The following PINLYP variants were observed in gnomAD, a reference collection of about 807,000 sequenced individuals.
PINLYP encodes the protein phospholipase A2 inhibitor and LY6/PLAUR domain containing, also known as phospholipase A2 inhibitor and Ly6/PLAUR domain-containing protein.
PINLYP carries 12 observed loss-of-function variants against 15.8 expected under a neutral mutation model. The ratio of observed to expected loss-of-function variants is 0.76; its 90% confidence interval spans 0.49 to 1.23. The LOEUF is 1.23. PINLYP is among the 50% of genes most tolerant of loss of function. The pLI is 0.00. For synonymous variants in PINLYP, 93 were observed against 97.7 expected (o/e 0.95, Z 0.28); for missense variants, 278 against 264.2 (o/e 1.05, Z -0.36).
intron 3 of PINLYP, 81 bp downstream of exon 3, chr19:43,578,787 T>C (rs1442071473): frequency 9.2e-7 from 1 of 1,091,762 alleles, no homozygotes; most frequent in East Asian, 2.6e-5. Flanking sequence ...TGAGGGGGGA[T>C]CATCATGGTT....
chr19:43,578,652 A>C, exon 3 of PINLYP: 1 of 1,535,964 alleles, frequency 6.5e-7, no homozygotes, highest in Non-Finnish European at 8.7e-7. Flanking sequence ...CCAAATGAAG[A>C]CCTGCAGCAG....
chr19:43,575,537 CG>C, upstream of PINLYP: 1 of 1,372,732 alleles, frequency 7.3e-7, no homozygotes, highest in African/African-American at 1.4e-5. Context: ...TGGGAGGGGG[CG>C]GGGTGCGCCC....
At chr19:43,581,752 A>C (rs2146085614) in intron 5 of PINLYP, 49 bp downstream of exon 5, 1 of 1,535,266 alleles carries the variant, frequency 6.5e-7, no homozygotes, top group East Asian at 2.4e-5. Context: ...TAGAGGTCCA[A>C]ACTTCTAGGT....
At chr19:43,577,769 G>A (rs1384757315) in intron 2 of PINLYP, among the ~76,000 whole-genome samples, 2 of 151,992 alleles carry the variant, frequency 1.3e-5, no homozygotes, top group African/African-American at 2.4e-5. Context: ...AGCTGAGCTT[G>A]GTGGTGGGCG....
intron 2 of PINLYP, among the ~76,000 whole-genome samples, chr19:43,577,918 C>T (rs1419913295): frequency 6.6e-6 from 1 of 152,040 alleles, no homozygotes; most frequent in Admixed American, 6.6e-5. Context: ...AAAAAAAATA[C>T]ATTAATATCA....
At chr19:43,576,780 A>C (rs1461090827) in exon 1 of PINLYP, 2 of 202,750 alleles carry the variant, frequency 9.9e-6, no homozygotes, top group Non-Finnish European at 2.0e-5. Context: ...GGCCCTACCC[A>C]CACTGGGTGC....
exon 5 of PINLYP, chr19:43,581,621 C>T: frequency 2.0e-6 from 3 of 1,536,662 alleles, no homozygotes; most frequent in Non-Finnish European, 1.7e-6. Context: ...CTGCGAGCTT[C>T]AGGGACAAAT....
At chr19:43,581,526 C>T (rs547785089) in intron 4 of PINLYP, 37 bp from the exon 5 acceptor site, 3 of 1,521,054 alleles carry the variant, frequency 2.0e-6, no homozygotes, top group African/African-American at 1.4e-5. Context: ...ACGGCTTAAA[C>T]ATCCCTATTC....
intron 3 of PINLYP, chr19:43,579,104 G>A: frequency 3.9e-6 from 1 of 258,812 alleles, no homozygotes; most frequent in Non-Finnish European, 7.7e-6. Flanking sequence ...GGCTGGGGTG[G>A]GAAAGTGTAA....
chr19:43,577,785 A>G (rs1253753755), intron 2 of PINLYP, among the ~76,000 whole-genome samples: 1 of 151,990 alleles, frequency 6.6e-6, no homozygotes, highest in Non-Finnish European at 1.5e-5. Context: ...GGGCGCCTGT[A>G]ATCCTAGCTA....
chr19:43,578,471 T>A, intron 2 of PINLYP, 119 bp from the exon 3 acceptor site: 4 of 634,108 alleles, frequency 6.3e-6, no homozygotes, highest in East Asian at 6.3e-5. Context: ...ATCCCGCCCA[T>A]GAAAAACCAG....
intron 3 of PINLYP, chr19:43,580,401 A>AAG: frequency 2.4e-6 from 1 of 423,434 alleles, no homozygotes; most frequent in Non-Finnish European, 3.2e-6. Flanking sequence ...GAGGGGCAGC[A>AAG]AGAGACCCTC....
chr19:43,576,811 A>C, exon 1 of PINLYP: 1 of 227,390 alleles, frequency 4.4e-6, no homozygotes, highest in African/African-American at 2.3e-5. Context: ...GGAGAGGGGA[A>C]GAGAGAGAAG....
chr19:43,577,204 A>G, exon 2 of PINLYP: 1 of 1,536,104 alleles, frequency 6.5e-7, no homozygotes, highest in Non-Finnish European at 8.7e-7. Context: ...GAGGCTCTCC[A>G]GGAGACCAGA....
intron 3 of PINLYP, 150 bp from the exon 4 acceptor site, chr19:43,581,062 A>C: frequency 7.9e-6 from 8 of 1,008,384 alleles, no homozygotes; most frequent in Non-Finnish European, 1.1e-5. Flanking sequence ...CTCCGTCTAA[A>C]AAAAATAAGA....
rs1178858044 is a variant in PINLYP, at chr19:43,576,438, C to A, written c.-559C>A. 6.6e-6 allele frequency among the ~76,000 whole-genome samples: 1 copy of A among 151,794 alleles called. No homozygotes were observed. The highest frequency in any genetic ancestry group is 1.5e-5 in the Non-Finnish European group (1 of 67,942). Reference sequence around the variant, plus strand: ...CTGAGGCCAAAAGAGAAGGGTTCTGCGTCCTAAATATAACACAAAGCATGT... The same window carrying A: ...CTGAGGCCAAAAGAGAAGGGTTCTGAGTCCTAAATATAACACAAAGCATGT... On this transcript the variant is annotated 5_prime_UTR_variant, in exon 1 of 6. The change creates a premature stop within an existing upstream ORF in the 5' untranslated region. Coordinates refer to ENST00000599207, the Ensembl canonical transcript of PINLYP.
At chr19:43,576,897 A>C in exon 1 of PINLYP, 1 of 364,106 alleles carries the variant, frequency 2.7e-6, no homozygotes. Flanking sequence ...GCAAACAAAC[A>C]AACAACAATG....
chr19:43,578,623 C>T lies in PINLYP; in HGVS notation c.104C>T (p.Ala35Val), dbSNP rs773107124. 6.3e-5 allele frequency: 96 copies of T among 1,535,890 alleles called. 1 individual carries two copies. The East Asian group carries it at 2.2e-3, about 36-fold the overall frequency. Reference sequence around the variant, plus strand: ...CTACACTGCGAAATATGTACGGCGGCGGGGAGCAGGTGCCATGGCCAAATG... The same window carrying T: ...CTACACTGCGAAATATGTACGGCGGTGGGGAGCAGGTGCCATGGCCAAATG... The change falls in exon 3 of 6, where the codon GCG (alanine) becomes GTG (valine). Residue 35 changes from alanine (A) to valine (V), a missense_variant. Coordinates refer to ENST00000599207, the Ensembl canonical transcript of PINLYP.
upstream of PINLYP, chr19:43,575,644 T>C (rs979596813): frequency 2.1e-5 from 10 of 481,340 alleles, no homozygotes; most frequent in South Asian, 2.0e-4. Context: ...CAGTCGCGCC[T>C]CTCCAGAGCG....
Sources: gnomAD v4.1 joint callset for allele counts (sites outside exome capture counted in the v4.1 genomes callset) on GRCh38, gnomAD v4.1.1 for gene constraint, MANE v1.5 for transcripts, NCBI Gene and HGNC (gene_info 2026-07-23, HGNC 2026-07-21) for gene names.